Variants in PAWR observed in about 807,000 individuals in gnomAD.
PAWR encodes PRKC apoptosis WT1 regulator protein.
Under a neutral mutation model 32.0 loss-of-function variants are expected in PAWR, and 23 were observed. The observed-to-expected ratio is 0.72, with a 90% confidence interval of 0.52 to 1.02. The LOEUF is 1.02. Among genes scored for constraint, PAWR ranks in the 50% least tolerant of loss-of-function variants. The pLI is 0.00. For synonymous variants in PAWR, 226 were observed against 187.1 expected (o/e 1.21, Z -1.70); for missense variants, 457 against 437.7 (o/e 1.04, Z -0.39).
At chr12:79,660,816 T>C (rs1355762689) in intron 2 of PAWR, among the ~76,000 whole-genome samples, 1 of 151,828 alleles carries the variant, frequency 6.6e-6, no homozygotes, top group Non-Finnish European at 1.5e-5. Context: ...ACTCCTGAAC[T>C]GAGCTGATCC....
chr12:79,680,413 T>C (rs947527948), intron 2 of PAWR, among the ~76,000 whole-genome samples: 2 of 152,230 alleles, frequency 1.3e-5, no homozygotes, highest in African/African-American at 2.4e-5. Flanking sequence ...TCAAAAAGTT[T>C]AGGTATTTTT....
intron 4 of PAWR, chr12:79,604,629 T>C: frequency 7.8e-7 from 1 of 1,285,954 alleles, no homozygotes; most frequent in Non-Finnish European, 1.0e-6. Flanking sequence ...GCTTCCATCC[T>C]TTTAGTATCT....
intron 2 of PAWR, among the ~76,000 whole-genome samples, chr12:79,653,492 GT>G (rs1314669736): frequency 6.7e-6 from 1 of 150,000 alleles, no homozygotes; most frequent in Admixed American, 6.6e-5. Flanking sequence ...TTGTTTGTTT[GT>G]TTTGAGGCAG....
chr12:79,689,000 G>A (rs1878827504), intron 2 of PAWR, among the ~76,000 whole-genome samples: 1 of 152,152 alleles, frequency 6.6e-6, no homozygotes, highest in Non-Finnish European at 1.5e-5. Flanking sequence ...TTTCGAAAAT[G>A]CTCCAAACTG....
intron 4 of PAWR, among the ~76,000 whole-genome samples, chr12:79,608,173 C>T (rs1188693228): frequency 6.6e-6 from 1 of 152,038 alleles, no homozygotes; most frequent in Non-Finnish European, 1.5e-5. Flanking sequence ...TAAACTTGAA[C>T]CGGTTCTAGT....
intron 2 of PAWR, among the ~76,000 whole-genome samples, chr12:79,683,421 C>T (rs1464610687): frequency 6.6e-6 from 1 of 152,064 alleles, no homozygotes; most frequent in African/African-American, 2.4e-5. Context: ...TTAGTGTGTA[C>T]CAAAATCACT....
chr12:79,631,783 C>G lies in PAWR; in HGVS notation c.517-10576G>C, dbSNP rs2136744851. On this transcript the variant is annotated intron_variant, in intron 2 of 6. Coordinates refer to ENST00000328827, the MANE Select transcript of PAWR (RefSeq NM_002583.4). ...TTTTGTAGAAACTATCAAACTGATT[C>G]AAAATTTAAGTGGAAATGAAGAGGA... is the stretch of plus-strand genomic sequence containing the variant. Among the ~76,000 whole-genome samples the G allele has an allele frequency of 1.3e-5, 2 of 152,112 alleles. 1 individual carries two copies. The highest frequency in any genetic ancestry group is 4.2e-4 in the South Asian group (2 of 4,812).
At chr12:79,648,376 T>G (rs998093160) in intron 2 of PAWR, among the ~76,000 whole-genome samples, 6 of 151,760 alleles carry the variant, frequency 4.0e-5, no homozygotes, top group African/African-American at 1.5e-4. Context: ...AAATGAAGAG[T>G]CATACCCAAA....
intron 2 of PAWR, among the ~76,000 whole-genome samples, chr12:79,662,795 CTCTT>C (rs2136826924): frequency 6.6e-6 from 1 of 152,268 alleles, no homozygotes; most frequent in South Asian, 2.1e-4. Flanking sequence ...TTACTAAGCA[CTCTT>C]AGCACTTGGC....
chr12:79,665,530 T>C (rs1164596049), intron 2 of PAWR, among the ~76,000 whole-genome samples: 2 of 152,120 alleles, frequency 1.3e-5, no homozygotes, highest in Non-Finnish European at 1.5e-5. Context: ...AAAATAAAAA[T>C]TGTTACATAG....
At chr12:79,662,252 T>G (rs553217165) in intron 2 of PAWR, among the ~76,000 whole-genome samples, 1 of 148,958 alleles carries the variant, frequency 6.7e-6, no homozygotes, top group Non-Finnish European at 1.5e-5. Context: ...GATCCAGAAC[T>G]TTCAGGACAG....
At chr12:79,673,888 TGAAA>T (rs1375325862) in intron 2 of PAWR, among the ~76,000 whole-genome samples, 4 of 152,030 alleles carry the variant, frequency 2.6e-5, no homozygotes, top group Non-Finnish European at 5.9e-5. Flanking sequence ...AAAACACTGC[TGAAA>T]GAAATCAGAG....
At position 79,592,646 on chromosome 12, in the gene PAWR, A is replaced by G; in HGVS notation, c.984T>C (p.Asn328=). The G allele has an allele frequency of 1.3e-6, 1 of 768,932 alleles. No homozygotes were observed. The highest frequency in any genetic ancestry group is 2.4e-6 in the Non-Finnish European group (1 of 415,752). 47.6% of individuals were successfully genotyped at this position (768,932 alleles called of 1,614,324 possible). A position where few individuals can be genotyped will look rare whatever the true frequency, so the allele number is the denominator to read the frequency against. ...GACCCACAACTTTCAAAAGAGTTTT[A>G]TTTTCCTGCTTTAGCTGTTCATTTT... ...EDENEQLKQE[N]KTLLKVVGQL... Residue 328 remains asparagine, a synonymous_variant, in exon 7 of 7, where the codon AAT becomes AAC. Transcript: ENST00000328827.
At position 79,613,566 on chromosome 12, in the gene PAWR, G is replaced by C; in HGVS notation, c.683+9C>G. ...GTCTACAATATGTTTAAGTCATAAG[G>C]ATTCTTACCTTTTATATCTGCCTGA... On this transcript the variant is annotated intron_variant, in intron 4 of 6. Transcript: ENST00000328827. 6.8e-7 allele frequency: 1 copy of C among 1,465,856 alleles called. No individual in the cohort carries two copies. The highest frequency in any genetic ancestry group is 2.3e-5 in the East Asian group (1 of 43,772). 90.8% of individuals were successfully genotyped at this position (1,465,856 alleles called of 1,614,324 possible).
chr12:79,658,018 C>A (rs931071340), intron 2 of PAWR, among the ~76,000 whole-genome samples: 3 of 152,076 alleles, frequency 2.0e-5, no homozygotes, highest in African/African-American at 7.2e-5. Context: ...GTCCAATGTG[C>A]ATATGACTGA....
At chr12:79,612,345 A>G (rs1450901803) in intron 4 of PAWR, among the ~76,000 whole-genome samples, 1 of 152,168 alleles carries the variant, frequency 6.6e-6, no homozygotes, top group Non-Finnish European at 1.5e-5. Context: ...GCTAATAAAT[A>G]CTGTAGCCCA....
intron 2 of PAWR, among the ~76,000 whole-genome samples, chr12:79,622,175 A>G (rs189518314): frequency 1.3e-5 from 2 of 152,196 alleles, no homozygotes; most frequent in East Asian, 3.8e-4. Context: ...GCCATTGTGC[A>G]AACCAAGAAG....
intron 4 of PAWR, among the ~76,000 whole-genome samples, chr12:79,612,897 C>T (rs775837952): frequency 6.6e-5 from 10 of 152,196 alleles, no homozygotes; most frequent in African/African-American, 2.2e-4. Flanking sequence ...AGAAGTGTTA[C>T]TCATTGTGTA....
rs1257370179 is a variant in PAWR at position 79,592,191 on chromosome 12, A to G, written c.*416T>C. On this transcript the variant is annotated 3_prime_UTR_variant, in exon 7 of 7. Transcript: ENST00000328827. ...TATGAGTGAGTCATCAACACATAAA[A>G]GGTTGCACACATCAGTAATAGGACA... 6.1e-6 allele frequency: 1 copy of G among 163,018 alleles called. No individual in the cohort carries two copies. The highest frequency in any genetic ancestry group is 1.3e-5 in the Non-Finnish European group (1 of 75,504). The allele number at this position is 163,018 out of a possible 1,614,324, so 10.1% of individuals were successfully genotyped here.
Sources: allele counts gnomAD v4.1 joint callset (sites outside exome capture counted in the v4.1 genomes callset), GRCh38; gene constraint gnomAD v4.1.1; transcripts MANE v1.5; gene names NCBI Gene and HGNC (gene_info 2026-07-23, HGNC 2026-07-21).